The following CMTM8 variants were observed in gnomAD, a reference collection of about 807,000 sequenced individuals.
CMTM8 encodes CKLF-like MARVEL transmembrane domain-containing protein 8.
A neutral mutation model predicts 18.6 loss-of-function variants in CMTM8; 12 were observed. The ratio of observed to expected loss-of-function variants is 0.65; its 90% CI spans 0.41 to 1.05. The LOEUF (loss-of-function observed/expected upper bound fraction) is 1.05, where lower values mean the gene tolerates loss of function less well. Ranked by LOEUF, CMTM8 falls within the 50% of genes least tolerant of loss-of-function variation. The pLI is 0.00. For missense variants in CMTM8, 217 were observed against 227.2 expected (o/e 0.95, Z 0.29); for synonymous variants, 87 against 90.6 (o/e 0.96, Z 0.23).
At chr3:32,278,263 G>A (rs546371983) in intron 1 of CMTM8, among the ~76,000 whole-genome samples, 1 of 152,298 alleles carries the variant, frequency 6.6e-6, no homozygotes, top group South Asian at 2.1e-4. Flanking sequence ...ATGAAGCTGG[G>A]GAAATGTGGT....
intron 1 of CMTM8, among the ~76,000 whole-genome samples, chr3:32,306,751 A>C (rs1303933381): frequency 1.3e-5 from 2 of 152,220 alleles, no homozygotes; most frequent in Non-Finnish European, 2.9e-5. Context: ...TTTAGTGGGC[A>C]ACCTTGAGTT....
chr3:32,313,037 C>A (rs1295183932), intron 1 of CMTM8, among the ~76,000 whole-genome samples: 1 of 151,968 alleles, frequency 6.6e-6, no homozygotes, highest in African/African-American at 2.4e-5. Context: ...AAATGTATAT[C>A]TTATTATATC....
At chr3:32,322,393 G>A (rs1266631686) in intron 1 of CMTM8, among the ~76,000 whole-genome samples, 1 of 152,184 alleles carries the variant, frequency 6.6e-6, no homozygotes, top group Non-Finnish European at 1.5e-5. Flanking sequence ...GCAGGCATGA[G>A]ACTAATTTAC....
rs997670519 is a variant in CMTM8, at chr3:32,310,011, C to T, written c.148-47362C>T. ...GGTTCTCACAGCCAGTCTTTATTTT[C>T]ACAGCTCAGTTTTTAGAAAAGAGGA... On this transcript the variant is annotated intron_variant, in intron 1 of 3. Transcript: ENST00000307526. 2.6e-5 allele frequency among the ~76,000 whole-genome samples: 4 copies of T among 152,222 alleles called. No homozygotes were observed. In the East Asian group the frequency reaches 7.7e-4, roughly 29 times the overall value.
chr3:32,335,607 T>C lies in CMTM8; in HGVS notation c.148-21766T>C, dbSNP rs72855626. 2.2e-3 allele frequency among the ~76,000 whole-genome samples: 338 copies of C among 152,298 alleles called. 1 individual carries two copies. Among genetic ancestry groups the C allele is most frequent in the African/African-American group, 7.8e-3 (324 of 41,572 alleles). The stretch of plus-strand genomic sequence containing the variant: ...TGGACCCTACTGATCCTGGTGCAGC[T>C]TGCAGCTGTGGGGGCAAAGGCTAAT... On this transcript the variant is annotated intron_variant, in intron 1 of 3. Coordinates refer to ENST00000307526, the MANE Select transcript of CMTM8 (RefSeq NM_178868.5).
At chr3:32,289,448 A>C (rs554245954) in intron 1 of CMTM8, among the ~76,000 whole-genome samples, 2 of 152,142 alleles carry the variant, frequency 1.3e-5, no homozygotes, top group Non-Finnish European at 2.9e-5. Flanking sequence ...GGTGTCAAAG[A>C]AGGCTTCCTG....
At chr3:32,342,637 T>TA (rs1559384781) in intron 1 of CMTM8, among the ~76,000 whole-genome samples, 1 of 152,156 alleles carries the variant, frequency 6.6e-6, no homozygotes, top group African/African-American at 2.4e-5. Context: ...TTATTACTCA[T>TA]GAGAGAGCTC....
At chr3:32,246,713 A>G (rs961206862) in intron 1 of CMTM8, among the ~76,000 whole-genome samples, 1 of 152,166 alleles carries the variant, frequency 6.6e-6, no homozygotes, top group Non-Finnish European at 1.5e-5. Flanking sequence ...CCAGTTCCAT[A>G]ACATCTTTTA....
chr3:32,346,535 A>C (rs1696599346), intron 1 of CMTM8, among the ~76,000 whole-genome samples: 1 of 152,220 alleles, frequency 6.6e-6, no homozygotes, highest in African/African-American at 2.4e-5. Context: ...CTTTGGTTGC[A>C]GACAGCCACC....
chr3:32,303,693 CTTAAA>C (rs1695669211), intron 1 of CMTM8, among the ~76,000 whole-genome samples: 1 of 151,918 alleles, frequency 6.6e-6, no homozygotes, highest in East Asian at 1.9e-4. Context: ...GACTCCTTCG[CTTAAA>C]TTTTGTAGAC....
At chr3:32,337,817 G>T (rs1181749085) in intron 1 of CMTM8, among the ~76,000 whole-genome samples, 1 of 152,078 alleles carries the variant, frequency 6.6e-6, no homozygotes, top group Non-Finnish European at 1.5e-5. Flanking sequence ...CAAGGCAGAG[G>T]TTGGCAAATT....
intron 1 of CMTM8, chr3:32,259,981 G>T: frequency 9.0e-7 from 1 of 1,114,822 alleles, no homozygotes; most frequent in South Asian, 1.3e-5. Flanking sequence ...TGGAGTCAGA[G>T]CTGGCACTGA....
intron 1 of CMTM8, among the ~76,000 whole-genome samples, chr3:32,288,632 C>T (rs1031028141): frequency 6.6e-6 from 1 of 152,062 alleles, no homozygotes. Flanking sequence ...TCCTGAGTAG[C>T]TAGGACTACA....
At chr3:32,252,884 A>G (rs1702131819) in intron 1 of CMTM8, among the ~76,000 whole-genome samples, 1 of 152,218 alleles carries the variant, frequency 6.6e-6, no homozygotes, top group African/African-American at 2.4e-5. Flanking sequence ...ATATTATGAT[A>G]GTACAGTTTT....
intron 1 of CMTM8, among the ~76,000 whole-genome samples, chr3:32,272,099 T>C (rs1702446850): frequency 6.6e-6 from 1 of 152,224 alleles, no homozygotes; most frequent in Non-Finnish European, 1.5e-5. Flanking sequence ...GTTATAGAAT[T>C]CTAACTTGGC....
rs141732969 is a variant in CMTM8, at chr3:32,316,219, G to A, written c.148-41154G>A. Among the ~76,000 whole-genome samples, 1,243 of 151,792 alleles carry A rather than the reference G, an allele frequency of 8.2e-3. 20 individuals are homozygous for A. Among genetic ancestry groups the A allele is most frequent in the African/African-American group, 0.028 (1,168 of 41,384 alleles). On this transcript the variant is annotated intron_variant, in intron 1 of 3. Transcript: ENST00000307526. ...ATTTTTTGTATTTTTAGTAGAGACGGGGTTTCACTGTGTTAGCCAGAATGG... is the reference window on the plus strand; with the variant it reads ...ATTTTTTGTATTTTTAGTAGAGACGAGGTTTCACTGTGTTAGCCAGAATGG...
At chr3:32,273,688 G>A (rs1024875124) in intron 1 of CMTM8, among the ~76,000 whole-genome samples, 1 of 152,130 alleles carries the variant, frequency 6.6e-6, no homozygotes, top group Non-Finnish European at 1.5e-5. Flanking sequence ...GCTGGGAGAG[G>A]GAGGAATGGA....
chr3:32,361,286 G>GTTTTTTTTTTGTTTTTTTGGTT, intron 2 of CMTM8, among the ~76,000 whole-genome samples: 1 of 87,270 alleles, frequency 1.1e-5, no homozygotes, highest in East Asian at 2.8e-4. Flanking sequence ...CAGCCTAAGA[G>GTTTTTTTTTTGTTTTTTTGGTT]TTTTTTTTTC....
At chr3:32,266,144 A>G (rs930393330) in intron 1 of CMTM8, among the ~76,000 whole-genome samples, 4 of 151,256 alleles carry the variant, frequency 2.6e-5, no homozygotes, top group Non-Finnish European at 5.9e-5. Flanking sequence ...TGGCAGAGAC[A>G]CAACAAAAAA....
Sources: allele counts gnomAD v4.1 joint callset (sites outside exome capture counted in the v4.1 genomes callset), GRCh38; gene constraint gnomAD v4.1.1; transcripts MANE v1.5; gene names NCBI Gene and HGNC (gene_info 2026-07-23, HGNC 2026-07-21).